The following TMEM132D variants were observed in gnomAD, a reference collection of about 807,000 sequenced individuals.
TMEM132D encodes mature OL transmembrane protein.
In TMEM132D, 21 loss-of-function variants were observed where a neutral mutation model predicts 62.3. The ratio of observed to expected loss-of-function variants is 0.34; its 90% CI spans 0.24 to 0.49. TMEM132D has a LOEUF of 0.49. Among genes scored for constraint, TMEM132D ranks in the 20% least tolerant of loss-of-function variants. The pLI is 0.99. For synonymous variants in TMEM132D, 621 were observed against 575.6 expected, an observed-to-expected ratio of 1.08 and a Z score of -1.13; for missense variants, 1,346 against 1,402.8, an observed-to-expected ratio of 0.96 and a Z score of 0.65.
chr12:129,684,218 T>A (rs547585470), intron 2 of TMEM132D, among the ~76,000 whole-genome samples: 27 of 152,280 alleles, frequency 1.8e-4, no homozygotes, highest in Non-Finnish European at 3.4e-4. Context: ...ATAATCCCCA[T>A]GTATCATCAG....
At chr12:129,326,724 A>G (rs1476581494) in intron 4 of TMEM132D, among the ~76,000 whole-genome samples, 13 of 152,210 alleles carry the variant, frequency 8.5e-5, no homozygotes, top group Admixed American at 8.5e-4. Flanking sequence ...TGCTCCTTTT[A>G]TATAACAAAT....
chr12:129,336,614 G>A (rs1869281176), intron 4 of TMEM132D, among the ~76,000 whole-genome samples: 1 of 152,136 alleles, frequency 6.6e-6, no homozygotes, highest in Admixed American at 6.5e-5. Context: ...AGCAAGAACA[G>A]GTGCTGTAGG....
intron 5 of TMEM132D, among the ~76,000 whole-genome samples, chr12:129,185,761 A>ATG (rs1555235276): frequency 2.1e-5 from 3 of 140,800 alleles, no homozygotes; most frequent in Admixed American, 1.5e-4. Context: ...TTTATCCATC[A>ATG]TCTGTCTGTC....
intron 1 of TMEM132D, among the ~76,000 whole-genome samples, chr12:129,893,849 C>G (rs554605645): frequency 7.9e-5 from 12 of 152,346 alleles, no homozygotes; most frequent in African/African-American, 2.9e-4. Context: ...TGCCTTGGGT[C>G]CAGCCCTCCT....
chr12:129,524,935 T>C (rs1197367872), intron 3 of TMEM132D, among the ~76,000 whole-genome samples: 5 of 126,040 alleles, frequency 4.0e-5, no homozygotes, highest in East Asian at 2.3e-4. Flanking sequence ...TTCTTTTTTT[T>C]TTTTTTTTTG....
chr12:129,588,397 T>C (rs569129739), intron 2 of TMEM132D, among the ~76,000 whole-genome samples: 18 of 152,240 alleles, frequency 1.2e-4, no homozygotes, highest in African/African-American at 3.9e-4. Flanking sequence ...TCAATACATA[T>C]TCACAATTGT....
chr12:129,087,920 C>CGGGTGTCCTCTA (rs1593255423), intron 5 of TMEM132D, among the ~76,000 whole-genome samples: 1 of 25,726 alleles, frequency 3.9e-5, no homozygotes, highest in African/African-American at 1.9e-4. Flanking sequence ...GGTGTCCTCC[C>CGGGTGTCCTCTA]TGACCGGGTG....
At chr12:129,393,023 C>G (rs1295288479) in intron 3 of TMEM132D, among the ~76,000 whole-genome samples, 2 of 152,204 alleles carry the variant, frequency 1.3e-5, no homozygotes, top group African/African-American at 4.8e-5. Context: ...AGTCCTAGAA[C>G]GAACAGACTT....
intron 3 of TMEM132D, among the ~76,000 whole-genome samples, chr12:129,432,156 T>C (rs1490211715): frequency 4.1e-5 from 4 of 98,658 alleles, no homozygotes; most frequent in Non-Finnish European, 8.0e-5. Flanking sequence ...GATGGATGGA[T>C]GCTTGGATGG....
At chr12:129,669,313 G>A (rs1880447893) in intron 2 of TMEM132D, among the ~76,000 whole-genome samples, 1 of 152,132 alleles carries the variant, frequency 6.6e-6, no homozygotes, top group Non-Finnish European at 1.5e-5. Context: ...ACCGTTGTTA[G>A]CTGTTCTTGA....
At chr12:129,871,005 CAG>C (rs1300958720) in intron 1 of TMEM132D, among the ~76,000 whole-genome samples, 4 of 152,220 alleles carry the variant, frequency 2.6e-5, no homozygotes, top group African/African-American at 7.2e-5. Context: ...AGACAGCAGG[CAG>C]AGTCGCTCAA....
At chr12:129,638,892 A>C (rs1303375559) in intron 2 of TMEM132D, among the ~76,000 whole-genome samples, 2 of 152,164 alleles carry the variant, frequency 1.3e-5, no homozygotes, top group Non-Finnish European at 2.9e-5. Context: ...ATGAGAGTGC[A>C]CATTAGATTA....
chr12:129,131,382 G>A (rs189744596), intron 5 of TMEM132D, among the ~76,000 whole-genome samples: 33 of 152,270 alleles, frequency 2.2e-4, no homozygotes, highest in Non-Finnish European at 3.7e-4. Context: ...CAAGGTGGGC[G>A]GATTGCTTGA....
chr12:129,889,853 A>C (rs1164374818), intron 1 of TMEM132D, among the ~76,000 whole-genome samples: 1 of 152,188 alleles, frequency 6.6e-6, no homozygotes, highest in African/African-American at 2.4e-5. Flanking sequence ...AAAAGTAAGA[A>C]CCTATCTAGA....
intron 1 of TMEM132D, among the ~76,000 whole-genome samples, chr12:129,803,021 G>C (rs1278659679): frequency 6.6e-6 from 1 of 150,746 alleles, no homozygotes; most frequent in African/African-American, 2.4e-5. Flanking sequence ...CAATACAGGA[G>C]CACCCAGATT....
At chr12:129,662,157 C>A (rs190859676) in intron 2 of TMEM132D, among the ~76,000 whole-genome samples, 8 of 152,280 alleles carry the variant, frequency 5.3e-5, no homozygotes, top group African/African-American at 1.9e-4. Context: ...TTTTTCTTTG[C>A]AGCCCAGGCT....
chr12:129,787,107 C>A (rs1222486739), intron 1 of TMEM132D, among the ~76,000 whole-genome samples: 1 of 151,990 alleles, frequency 6.6e-6, no homozygotes, highest in African/African-American at 2.4e-5. Flanking sequence ...GAAATTCAAC[C>A]AAGAAAATGC....
chr12:129,588,383 C>T (rs1185920137), intron 2 of TMEM132D, among the ~76,000 whole-genome samples: 1 of 152,118 alleles, frequency 6.6e-6, no homozygotes, highest in East Asian at 1.9e-4. Flanking sequence ...ACCTGAATCA[C>T]TCGTCAATAC....
chr12:129,487,563 G>A (rs916535641), intron 3 of TMEM132D, among the ~76,000 whole-genome samples: 1 of 152,066 alleles, frequency 6.6e-6, no homozygotes, highest in South Asian at 2.1e-4. Flanking sequence ...TGGTTTGAAT[G>A]AGGCCCCTCC....
Sources: gnomAD v4.1 joint callset for allele counts (sites outside exome capture counted in the v4.1 genomes callset) on GRCh38, gnomAD v4.1.1 for gene constraint, MANE v1.5 for transcripts, NCBI Gene and HGNC (gene_info 2026-07-23, HGNC 2026-07-21) for gene names.